Variants in PDE1A observed in about 807,000 individuals in gnomAD.
The protein encoded by PDE1A is dual specificity calcium/calmodulin-dependent 3',5'-cyclic nucleotide phosphodiesterase 1A.
PDE1A carries 35 observed loss-of-function variants against 61.7 expected under a neutral mutation model. The observed-to-expected ratio is 0.57, with a 90% CI of 0.43 to 0.75. The LOEUF is 0.75. Among genes scored for constraint, PDE1A ranks in the 30% least tolerant of loss-of-function variants. The probability of loss-of-function intolerance (pLI) is 0.00; values close to 1 mark genes in which losing one functional copy is unlikely to be tolerated. For missense variants in PDE1A, 597 were observed against 630.6 expected (o/e 0.95, Z 0.57); for synonymous variants, 232 against 213.2 (o/e 1.09, Z -0.77).
At chr2:182,537,622 G>A in the PDE1A span, among the ~76,000 whole-genome samples, 1 of 151,968 alleles carries the variant, frequency 6.6e-6, no homozygotes, top group Non-Finnish European at 1.5e-5. Context: ...CGTTATGCAC[G>A]TGTATTCCAG....
At chr2:182,226,499 C>T (rs757514403) in intron 6 of PDE1A, among the ~76,000 whole-genome samples, 1 of 149,830 alleles carries the variant, frequency 6.7e-6, no homozygotes, top group Non-Finnish European at 1.5e-5. Flanking sequence ...ATCTACTTTG[C>T]ATTAGCAAAA....
At chr2:182,626,054 C>A in the PDE1A span, among the ~76,000 whole-genome samples, 1 of 152,162 alleles carries the variant, frequency 6.6e-6, no homozygotes, top group Non-Finnish European at 1.5e-5. Context: ...GTAAGCTGAT[C>A]CTGCTCACCT....
chr2:182,177,112 A>G (rs1684305222), intron 13 of PDE1A, among the ~76,000 whole-genome samples: 1 of 150,602 alleles, frequency 6.6e-6, no homozygotes, highest in South Asian at 2.1e-4. Flanking sequence ...GGATTTTTGC[A>G]TCAATGTTCA....
chr2:182,361,912 A>C (rs1699534992), intron 1 of PDE1A, among the ~76,000 whole-genome samples: 1 of 152,074 alleles, frequency 6.6e-6, no homozygotes, highest in Non-Finnish European at 1.5e-5. Flanking sequence ...TCTTTGATTG[A>C]GGACATAGCA....
the PDE1A span, among the ~76,000 whole-genome samples, chr2:182,669,717 CCCACACTTCTTAACTCTCTCCTTTGAAT>C: frequency 6.6e-6 from 1 of 152,198 alleles, no homozygotes; most frequent in African/African-American, 2.4e-5. Context: ...ATAGGTGGTT[CCCACACTTCTTAACTCTCTCCTTTGAAT>C]CCACCTTTTA....
intron 2 of PDE1A, among the ~76,000 whole-genome samples, chr2:182,504,483 T>C (rs974795330): frequency 9.2e-5 from 14 of 152,188 alleles, no homozygotes; most frequent in African/African-American, 3.1e-4. Context: ...AAATTTACAG[T>C]AAGGAATTTT....
chr2:182,682,212 A>C, the PDE1A span, among the ~76,000 whole-genome samples: 67 of 152,344 alleles, frequency 4.4e-4, no homozygotes, highest in Non-Finnish European at 7.5e-4. Flanking sequence ...CTTGCCACAC[A>C]GAAGGCCAAT....
chr2:182,168,395 A>C, intron 13 of PDE1A: 2 of 1,017,218 alleles, frequency 2.0e-6, no homozygotes, highest in Non-Finnish European at 2.8e-6. Context: ...GATTGTAAAA[A>C]ATTACTGTCG....
At chr2:182,493,072 A>G (rs11884886) in intron 2 of PDE1A, among the ~76,000 whole-genome samples, 61,655 of 151,872 alleles carry the variant, frequency 0.41, 12,820 homozygotes, top group African/African-American at 0.47. Flanking sequence ...CATCATCCTA[A>G]TCATTACAAC....
chr2:182,447,956 G>A (rs556579312), intron 2 of PDE1A, among the ~76,000 whole-genome samples: 1 of 151,930 alleles, frequency 6.6e-6, no homozygotes, highest in African/African-American at 2.4e-5. Flanking sequence ...TGACATTATG[G>A]GGCTAGAACA....
At chr2:182,219,230 A>C (rs2125586812) in intron 7 of PDE1A, among the ~76,000 whole-genome samples, 1 of 152,278 alleles carries the variant, frequency 6.6e-6, no homozygotes, top group East Asian at 1.9e-4. Flanking sequence ...TTTTATTTTT[A>C]AAATGATGAA....
the PDE1A span, among the ~76,000 whole-genome samples, chr2:182,562,929 A>C: frequency 6.6e-6 from 1 of 152,056 alleles, no homozygotes; most frequent in East Asian, 1.9e-4. Flanking sequence ...TATTGTGTCT[A>C]TTTGATTCTT....
chr2:182,532,870 C>CG, the PDE1A span, among the ~76,000 whole-genome samples: 1 of 126,136 alleles, frequency 7.9e-6, no homozygotes, highest in Non-Finnish European at 1.6e-5. Flanking sequence ...GCGTGAACCC[C>CG]GGGAGGCGGA....
chr2:182,355,068 A>G (rs1311133132), intron 1 of PDE1A, among the ~76,000 whole-genome samples: 1 of 152,070 alleles, frequency 6.6e-6, no homozygotes, highest in East Asian at 1.9e-4. Context: ...CCCTGATACA[A>G]TAAGAGATAA....
intron 1 of PDE1A, among the ~76,000 whole-genome samples, chr2:182,360,533 T>G (rs559858091): frequency 6.6e-6 from 1 of 150,848 alleles, no homozygotes; most frequent in East Asian, 1.9e-4. Context: ...TTTAGTGTTT[T>G]TTTTTTTTTT....
chr2:182,633,347 T>C, the PDE1A span, among the ~76,000 whole-genome samples: 1 of 152,216 alleles, frequency 6.6e-6, no homozygotes, highest in Non-Finnish European at 1.5e-5. Flanking sequence ...TGCTCCAGGC[T>C]GGTATTTGTG....
At chr2:182,145,814 C>T (rs999793525), downstream of PDE1A, among the ~76,000 whole-genome samples, 1 of 152,168 alleles carries the variant, frequency 6.6e-6, no homozygotes, top group South Asian at 2.1e-4. Flanking sequence ...TTGCTATTCA[C>T]AAAACTATTC....
At chr2:182,160,322 G>C (rs572923397) in intron 13 of PDE1A, among the ~76,000 whole-genome samples, 1 of 152,258 alleles carries the variant, frequency 6.6e-6, no homozygotes, top group East Asian at 1.9e-4. Context: ...GGGTATGGCT[G>C]TGAGGGTATG....
At chr2:182,560,056 T>G in the PDE1A span, among the ~76,000 whole-genome samples, 1 of 142,788 alleles carries the variant, frequency 7.0e-6, no homozygotes, top group African/African-American at 2.5e-5. Context: ...GAGGAAGAGA[T>G]AGGGATTCTT....
Sources: gnomAD v4.1 joint callset for allele counts (sites outside exome capture counted in the v4.1 genomes callset) on GRCh38, gnomAD v4.1.1 for gene constraint, MANE v1.5 for transcripts, NCBI Gene and HGNC (gene_info 2026-07-23, HGNC 2026-07-21) for gene names.